ZNF491: variants seen among roughly 807,000 people sequenced by gnomAD.
ZNF491 encodes zinc finger protein 491.
A neutral mutation model predicts 34.7 loss-of-function variants in ZNF491; 22 were observed. The observed-to-expected ratio is 0.63, with a 90% CI of 0.45 to 0.90. ZNF491 has a LOEUF of 0.90. Ranked by LOEUF, ZNF491 falls within the 40% of genes least tolerant of loss-of-function variation. ZNF491 has a pLI of 0.00. For missense variants in ZNF491, 559 were observed against 531.7 expected (o/e 1.05, Z -0.51); for synonymous variants, 148 against 174.3 (o/e 0.85, Z 1.19).
At position 11,806,822 on chromosome 19, in the gene ZNF491, A is replaced by G; in HGVS notation, c.869A>G (p.Glu290Gly). 1 of 1,609,122 alleles carries G rather than the reference A, an allele frequency of 6.2e-7. No individual in the cohort carries two copies. The highest frequency in any genetic ancestry group is 1.1e-5 in the South Asian group (1 of 90,330). Residue 290 changes from glutamate to glycine, a missense_variant, in exon 3 of 3, where the codon GAA (glutamate) becomes GGA (glycine). Transcript: ENST00000323169. ...FYSPSSFQRHERSHTGEKPYK... is the reference protein window; with the variant it reads ...FYSPSSFQRHGRSHTGEKPYK... Reference sequence around the variant, plus strand: ...TCTCCCAGTTCATTTCAAAGGCATGAAAGAAGTCACACTGGAGAGAAACCC... The same window carrying G: ...TCTCCCAGTTCATTTCAAAGGCATGGAAGAAGTCACACTGGAGAGAAACCC...
chr19:11,806,014 G>A lies in ZNF491; in HGVS notation c.61G>A (p.Val21Ile), dbSNP rs755884504. 1.9e-6 allele frequency: 3 copies of A among 1,612,718 alleles called. No homozygotes were observed. The highest frequency in any genetic ancestry group is 2.5e-6 in the Non-Finnish European group (3 of 1,179,418). ...GSQCGETFTQ[V>I]PEDMLNKKTL... ...TCAGTGTGGAGAAACTTTCACCCAG[G>A]TTCCGGAAGACATGCTGAACAAGAA... The change falls in exon 3 of 3, where the codon GTT (valine) becomes ATT (isoleucine). Residue 21 changes from valine to isoleucine, a missense_variant. Physicochemically the swap from Val to Ile is conservative, Grantham distance 29 (BLOSUM62 3). Coordinates refer to ENST00000323169, the MANE Select transcript of ZNF491 (RefSeq NM_152356.4).
chr19:11,807,148 A>C lies in ZNF491; in HGVS notation c.1195A>C (p.Arg399=). 6.2e-7 allele frequency: 1 copy of C among 1,609,168 alleles called. No individual in the cohort carries two copies. Among genetic ancestry groups the C allele is most frequent in the Non-Finnish European group, 8.5e-7 (1 of 1,178,174 alleles). Residue 399 remains arginine, a synonymous_variant, in exon 3 of 3, where the codon AGA becomes CGA. Transcript: ENST00000323169. ...GKAFTCSIYI[R]IHERIHTGEK... is the part of the protein sequence containing the mutation. ...AGCCTTCACTTGTTCCATATATATT[A>C]GAATACATGAAAGAATTCACACTGG... is the stretch of plus-strand genomic sequence containing the variant.
rs1599281780 is a variant in ZNF491 at position 11,806,267 on chromosome 19, G to T, written c.314G>T (p.Cys105Phe). 6.2e-7 allele frequency: 1 copy of T among 1,607,196 alleles called. No homozygotes were observed. The highest frequency in any genetic ancestry group is 8.5e-7 in the Non-Finnish European group (1 of 1,178,202). ...CACACTAGAGAGAAACCTTTTGATT[G>T]TAAGGAATGTGAAAAATCTTTCATT... ...RPHTREKPFD[C>F]KECEKSFISP... Residue 105 changes from cysteine to phenylalanine, a missense_variant, in exon 3 of 3, where the codon TGT becomes TTT. Cys to Phe is a radical substitution (Grantham distance 205). Transcript: ENST00000323169.
intron 1 of ZNF491, among the ~76,000 whole-genome samples, chr19:11,804,206 CAAAAAAAAA>C (rs71166629): frequency 2.9e-5 from 2 of 69,444 alleles, no homozygotes; most frequent in African/African-American, 1.3e-4. Flanking sequence ...CCATCTCAGA[CAAAAAAAAA>C]AAAAAAAAAA....
rs768757224 is a variant in ZNF491 at position 11,808,381 on chromosome 19, CAAA to C, written c.*1127_*1129del. 7.9e-5 allele frequency among the ~76,000 whole-genome samples: 8 copies of C among 101,318 alleles called. No individual in the cohort carries two copies. Among genetic ancestry groups the C allele is most frequent in the East Asian group, 2.8e-4 (1 of 3,540 alleles). 66.5% of individuals were successfully genotyped at this position (101,318 alleles called of 152,430 possible). ...TGGACAAGAGAGCAATACTCTGTCT[CAAA>C]AAAAAAAAAAAAGGTTTATTCACTG... On this transcript the variant is annotated 3_prime_UTR_variant, in exon 3 of 3. Coordinates refer to ENST00000323169, the MANE Select transcript of ZNF491 (RefSeq NM_152356.4).
intron 1 of ZNF491, among the ~76,000 whole-genome samples, chr19:11,801,548 A>C (rs963496125): frequency 2.0e-5 from 3 of 152,130 alleles, no homozygotes; most frequent in Non-Finnish European, 4.4e-5. Context: ...CCAGCTACTC[A>C]GGAGGCTGAG....
At chr19:11,800,237 G>A (rs1975544048) in intron 1 of ZNF491, among the ~76,000 whole-genome samples, 1 of 152,154 alleles carries the variant, frequency 6.6e-6, no homozygotes, top group African/African-American at 2.4e-5. Context: ...TACTCAAGAA[G>A]AGGGGGGCTC....
chr19:11,801,956 G>C (rs1599279525), intron 1 of ZNF491, among the ~76,000 whole-genome samples: 1 of 151,950 alleles, frequency 6.6e-6, no homozygotes, highest in East Asian at 1.9e-4. Context: ...CTACCTGTTG[G>C]GTGTTGTGAA....
rs1975643352 is a variant in ZNF491, at chr19:11,808,490, T to C, written c.*1223T>C. On this transcript the variant is annotated 3_prime_UTR_variant, in exon 3 of 3. Coordinates refer to ENST00000323169, the MANE Select transcript of ZNF491 (RefSeq NM_152356.4). ...TCTATTAAAATATCCCTTGTCAACATGGATCAGATCAAATGTATACTGTTA... is the reference window on the plus strand; with the variant it reads ...TCTATTAAAATATCCCTTGTCAACACGGATCAGATCAAATGTATACTGTTA... 6.6e-6 allele frequency among the ~76,000 whole-genome samples: 1 copy of C among 152,194 alleles called. No homozygotes were observed. The highest frequency in any genetic ancestry group is 2.4e-5 in the African/African-American group (1 of 41,450).
chr19:11,804,400 A>G, intron 1 of ZNF491, 142 bp from the exon 2 acceptor site: 1 of 1,227,730 alleles, frequency 8.1e-7, no homozygotes. Context: ...GAGTGTAGAC[A>G]GGGGAGTAAG....
In ZNF491 at chr19:11,806,294, C is replaced by A. The variant is rs145101992; in HGVS notation, c.341C>A (p.Ser114Tyr). 544 of 1,605,460 alleles carry A rather than the reference C, an allele frequency of 3.4e-4. 1 individual carries two copies. Among genetic ancestry groups the A allele is most frequent in the Middle Eastern group, 5.0e-4 (3 of 5,982 alleles). Residue 114 changes from serine to tyrosine, a missense_variant, in exon 3 of 3, where the codon TCT (serine) becomes TAT (tyrosine). Coordinates refer to ENST00000323169, the MANE Select transcript of ZNF491 (RefSeq NM_152356.4). ...DCKECEKSFISPASIRRYMVT... is the reference protein window; with the variant it reads ...DCKECEKSFIYPASIRRYMVT... ...AAGGAATGTGAAAAATCTTTCATTTCTCCTGCAAGCATTCGAAGATATATG... is the reference window on the plus strand; with the variant it reads ...AAGGAATGTGAAAAATCTTTCATTTATCCTGCAAGCATTCGAAGATATATG...
Position 11,806,354 on chromosome 19 carries a change from A to G in ZNF491, c.401A>G (p.Lys134Arg), listed in dbSNP as rs1027996364. 5.6e-6 allele frequency: 9 copies of G among 1,612,996 alleles called. No homozygotes were observed. The highest frequency in any genetic ancestry group is 7.6e-6 in the Non-Finnish European group (9 of 1,179,630). Residue 134 changes from lysine (K) to arginine (R), a missense_variant, in exon 3 of 3, where the codon AAG (lysine) becomes AGG (arginine). Transcript: ENST00000323169. The part of the protein sequence containing the change: ...THSGDGPYKC[K>R]FCGKALDCLS... ...AGTGGAGATGGACCTTATAAATGTA[A>G]GTTTTGTGGGAAAGCCTTGGATTGT...
At position 11,806,634 on chromosome 19, in the gene ZNF491, C is replaced by A; in HGVS notation, c.681C>A (p.Pro227=). The A allele has an allele frequency of 1.9e-6, 3 of 1,613,848 alleles. No homozygotes were observed. In the South Asian group the frequency reaches 3.3e-5, roughly 18 times the overall value. The change falls in exon 3 of 3, where the codon CCC becomes CCA. Residue 227 remains proline (P), a synonymous_variant. Coordinates refer to ENST00000323169, the MANE Select transcript of ZNF491 (RefSeq NM_152356.4). ...CKECGKAFNC[P]SSFHRHERTH... Reference sequence around the variant, plus strand: ...AATGTGGGAAAGCCTTCAATTGTCCCAGTTCTTTTCACAGGCATGAAAGGA... The same window carrying A: ...AATGTGGGAAAGCCTTCAATTGTCCAAGTTCTTTTCACAGGCATGAAAGGA...
chr19:11,806,789 C>A lies in ZNF491; in HGVS notation c.836C>A (p.Ala279Asp), dbSNP rs568130014. Residue 279 changes from alanine to aspartate, a missense_variant, in exon 3 of 3, where the codon GCC (alanine) becomes GAC (aspartate). Transcript: ENST00000323169. ...CATAAATGTAAGATATGTGGGAAAG[C>A]CTTTTACTCTCCCAGTTCATTTCAA... ...RPHKCKICGK[A>D]FYSPSSFQRH... is the part of the protein sequence containing the mutation. 6.8e-6 allele frequency: 11 copies of A among 1,611,378 alleles called. No individual in the cohort carries two copies. Among genetic ancestry groups the A allele is most frequent in the Middle Eastern group, 1.6e-4 (1 of 6,064 alleles).
rs1031392642 is a variant in ZNF491 at position 11,807,139 on chromosome 19, A to G, written c.1186A>G (p.Ile396Val). The change falls in exon 3 of 3, where the codon ATA (isoleucine) becomes GTA (valine). Residue 396 changes from isoleucine to valine, a missense_variant. By Grantham distance (29) the Ile-to-Val change is conservative. Coordinates refer to ENST00000323169, the MANE Select transcript of ZNF491 (RefSeq NM_152356.4). ...TTGTGGGAAAGCCTTCACTTGTTCC[A>G]TATATATTAGAATACATGAAAGAAT... ...KHCGKAFTCS[I>V]YIRIHERIHT... 4 of 1,612,538 alleles carry G rather than the reference A, an allele frequency of 2.5e-6. No homozygotes were observed. In the African/African-American group the frequency reaches 5.3e-5, roughly 22 times the overall value.
intron 1 of ZNF491, 68 bp from the exon 2 acceptor site, chr19:11,804,474 G>A: frequency 7.0e-7 from 1 of 1,433,876 alleles, no homozygotes; most frequent in Non-Finnish European, 9.1e-7. Flanking sequence ...AACTTCTTGG[G>A]AATAGAGTCT....
At chr19:11,802,871 A>G (rs1021241283) in intron 1 of ZNF491, among the ~76,000 whole-genome samples, 1 of 152,152 alleles carries the variant, frequency 6.6e-6, no homozygotes, top group Non-Finnish European at 1.5e-5. Flanking sequence ...ATGAATTAGT[A>G]GGACTCTGTT....
intron 2 of ZNF491, among the ~76,000 whole-genome samples, chr19:11,805,523 CAG>C (rs1170132608): frequency 6.6e-6 from 1 of 150,600 alleles, no homozygotes; most frequent in East Asian, 2.0e-4. Context: ...ACAATTCAGA[CAG>C]GGCAGAAAGT....
chr19:11,801,545 C>T (rs1016545589), intron 1 of ZNF491, among the ~76,000 whole-genome samples: 22 of 152,150 alleles, frequency 1.4e-4, no homozygotes, highest in Non-Finnish European at 2.9e-4. Flanking sequence ...GTCCCAGCTA[C>T]TCAGGAGGCT....
Sources: gnomAD v4.1 joint callset for allele counts (sites outside exome capture counted in the v4.1 genomes callset) on GRCh38, gnomAD v4.1.1 for gene constraint, MANE v1.5 for transcripts, NCBI Gene and HGNC (gene_info 2026-07-23, HGNC 2026-07-21) for gene names.